PLS1: variants seen among roughly 807,000 people sequenced by gnomAD.
PLS1 encodes the protein plastin 1.
Under a neutral mutation model 73.7 loss-of-function variants are expected in PLS1, and 32 were observed. The ratio of observed to expected loss-of-function variants is 0.43; its 90% CI spans 0.33 to 0.58. PLS1 has a LOEUF of 0.58. PLS1 is among the 20% of genes least tolerant of loss of function. The pLI, the probability that PLS1 is intolerant of heterozygous loss-of-function variation, is 0.04. For missense variants in PLS1, 633 were observed against 740.5 expected, an observed-to-expected ratio of 0.85 and a Z score of 1.68; for synonymous variants, 217 against 261.3, an observed-to-expected ratio of 0.83 and a Z score of 1.63.
At chr3:142,711,364 G>GT (rs1436424163) in intron 14 of PLS1, 137 bp from the exon 15 acceptor site, 5 of 549,634 alleles carry the variant, frequency 9.1e-6, no homozygotes, top group Non-Finnish European at 1.6e-5. Flanking sequence ...ATGTGTGCTG[G>GT]TTGCAGAAAA....
chr3:142,612,135 T>C (rs2036134042), intron 1 of PLS1, among the ~76,000 whole-genome samples: 2 of 152,212 alleles, frequency 1.3e-5, no homozygotes, highest in Non-Finnish European at 2.9e-5. Context: ...AACAAGTACA[T>C]CATTGAAAGA....
At chr3:142,676,051 G>A (rs2037717667) in intron 4 of PLS1, 106 bp from the exon 5 acceptor site, 9 of 839,562 alleles carry the variant, frequency 1.1e-5, no homozygotes, top group Middle Eastern at 2.6e-4. Flanking sequence ...TTATCTTTGA[G>A]CAGAAATTAA....
chr3:142,647,506 T>TC (rs200534646), intron 1 of PLS1, among the ~76,000 whole-genome samples: 19 of 147,292 alleles, frequency 1.3e-4, no homozygotes, highest in African/African-American at 2.0e-4. Context: ...TTCTTTTCTT[T>TC]TTTTTTTTTT....
chr3:142,632,120 A>G (rs563669245), intron 1 of PLS1, among the ~76,000 whole-genome samples: 1 of 152,318 alleles, frequency 6.6e-6, no homozygotes, highest in South Asian at 2.1e-4. Context: ...AAGATGTTCA[A>G]TATCACTACA....
intron 1 of PLS1, among the ~76,000 whole-genome samples, chr3:142,610,931 A>G (rs192714417): frequency 4.7e-4 from 71 of 152,288 alleles, no homozygotes; most frequent in Non-Finnish European, 8.5e-4. Flanking sequence ...AACAGTCTAG[A>G]CCAGAAGTTG....
At chr3:142,682,244 A>G (rs1323395569) in intron 6 of PLS1, among the ~76,000 whole-genome samples, 5 of 152,216 alleles carry the variant, frequency 3.3e-5, no homozygotes, top group Admixed American at 6.5e-5. Flanking sequence ...ATCTTAGAGT[A>G]TAAACTGTCA....
At chr3:142,613,183 G>A (rs907824101) in intron 1 of PLS1, among the ~76,000 whole-genome samples, 1 of 152,156 alleles carries the variant, frequency 6.6e-6, no homozygotes, top group Admixed American at 6.5e-5. Context: ...TCCCATTTAA[G>A]TTCTGGGCTT....
At chr3:142,603,621 A>C (rs1214976398) in intron 1 of PLS1, among the ~76,000 whole-genome samples, 1 of 151,904 alleles carries the variant, frequency 6.6e-6, no homozygotes, top group African/African-American at 2.4e-5. Flanking sequence ...TCTACAAAAA[A>C]ATTATCTGGG....
intron 1 of PLS1, chr3:142,597,486 G>A (rs2035834672): frequency 6.6e-6 from 1 of 152,144 alleles, no homozygotes; most frequent in Non-Finnish European, 1.5e-5. Context: ...AGTAAGTTTA[G>A]GAAGAGGAAA....
intron 1 of PLS1, among the ~76,000 whole-genome samples, chr3:142,608,727 G>A (rs1316344758): frequency 2.0e-5 from 3 of 152,212 alleles, no homozygotes; most frequent in African/African-American, 7.2e-5. Context: ...GAGATAGTAT[G>A]TCTCTGTGTT....
At chr3:142,651,956 C>A (rs2037103614) in intron 1 of PLS1, among the ~76,000 whole-genome samples, 1 of 152,172 alleles carries the variant, frequency 6.6e-6, no homozygotes, top group African/African-American at 2.4e-5. Flanking sequence ...AATCACACTT[C>A]TGACTTCCTG....
intron 9 of PLS1, among the ~76,000 whole-genome samples, chr3:142,688,462 A>G (rs2038018270): frequency 6.6e-6 from 1 of 152,152 alleles, no homozygotes; most frequent in African/African-American, 2.4e-5. Context: ...TTGAAATTGT[A>G]ACAAGCCTCA....
At position 142,711,583 on chromosome 3, in the gene PLS1, G is replaced by A; in HGVS notation, c.1712G>A (p.Arg571Lys). ...AATGCAGTTCGTCAAGAAATGATCA[G>A]GAGAGAAAACTTATCTGATGAGGAC... ...APNAVRQEMI[R>K]RENLSDEDKL... Residue 571 changes from arginine (R) to lysine (K), a missense_variant, in exon 15 of 16, where the codon AGG (arginine) becomes AAG (lysine). Arg to Lys is a conservative substitution (Grantham distance 26). Transcript: ENST00000457734. 1 of 1,608,504 alleles carries A rather than the reference G, an allele frequency of 6.2e-7. No homozygotes were observed. The highest frequency in any genetic ancestry group is 8.5e-7 in the Non-Finnish European group (1 of 1,175,888).
chr3:142,661,711 G>A (rs1187054612), intron 1 of PLS1, among the ~76,000 whole-genome samples: 1 of 152,108 alleles, frequency 6.6e-6, no homozygotes, highest in Non-Finnish European at 1.5e-5. Flanking sequence ...AATTCCTATT[G>A]TTTTATAAAG....
chr3:142,702,339 C>T (rs2038348346), intron 12 of PLS1, among the ~76,000 whole-genome samples: 1 of 152,194 alleles, frequency 6.6e-6, no homozygotes, highest in Non-Finnish European at 1.5e-5. Context: ...GTAAATTGAA[C>T]TTTGGGAATT....
intron 1 of PLS1, among the ~76,000 whole-genome samples, chr3:142,650,831 GA>G (rs1387469823): frequency 6.6e-6 from 1 of 152,172 alleles, no homozygotes; most frequent in Non-Finnish European, 1.5e-5. Flanking sequence ...GAGAGCCAGA[GA>G]AGGCCTAAAG....
intron 1 of PLS1, among the ~76,000 whole-genome samples, chr3:142,654,100 A>G (rs2037164319): frequency 1.3e-5 from 2 of 152,296 alleles, no homozygotes; most frequent in Admixed American, 6.5e-5. Flanking sequence ...GGCCATCCCA[A>G]ATTGCAAATG....
intron 1 of PLS1, among the ~76,000 whole-genome samples, chr3:142,641,619 T>A (rs1329460993): frequency 6.6e-6 from 1 of 152,132 alleles, no homozygotes; most frequent in East Asian, 1.9e-4. Context: ...TTACAGTTCG[T>A]AATTTTTGTC....
intron 10 of PLS1, among the ~76,000 whole-genome samples, chr3:142,691,871 T>G (rs189064358): frequency 1.3e-5 from 2 of 152,240 alleles, no homozygotes; most frequent in African/African-American, 4.8e-5. Flanking sequence ...TATTAAACGC[T>G]CACATCAAAT....
Sources: allele counts gnomAD v4.1 joint callset (sites outside exome capture counted in the v4.1 genomes callset), GRCh38; gene constraint gnomAD v4.1.1; transcripts MANE v1.5; gene names NCBI Gene and HGNC (gene_info 2026-07-23, HGNC 2026-07-21).